TANC2: variants seen among roughly 807,000 people sequenced by gnomAD.
TANC2 encodes the protein protein TANC2.
In TANC2, 26 loss-of-function variants were observed where a neutral mutation model predicts 210.5. The ratio of observed to expected loss-of-function variants is 0.12; its 90% CI spans 0.09 to 0.17. The LOEUF (loss-of-function observed/expected upper bound fraction) is 0.17. TANC2 is among the 10% of genes least tolerant of loss of function. The probability of loss-of-function intolerance (pLI) is 1.00; values close to 1 mark genes in which losing one functional copy is unlikely to be tolerated. For missense variants in TANC2, 2,129 were observed against 2,608.9 expected, an observed-to-expected ratio of 0.82 and a Z score of 4.01; for synonymous variants, 931 against 967.1, an observed-to-expected ratio of 0.96 and a Z score of 0.69.
intron 3 of TANC2, among the ~76,000 whole-genome samples, chr17:63,078,079 G>C (rs138014239): frequency 6.6e-6 from 1 of 152,112 alleles, no homozygotes. Flanking sequence ...AAGCTACATC[G>C]TGTAGAATTG....
chr17:63,153,411 A>G (rs146698114), intron 5 of TANC2: 3 of 152,150 alleles, frequency 2.0e-5, no homozygotes, highest in African/African-American at 4.8e-5. Flanking sequence ...TTAGGAAAAT[A>G]CTTTGTCTCC....
In TANC2 at chr17:63,416,397, G is replaced by A. The variant is rs556585507; in HGVS notation, c.4167+723G>A. Among the ~76,000 whole-genome samples the A allele has an allele frequency of 3.3e-5, 5 of 152,326 alleles. No individual in the cohort carries two copies. In the East Asian group the frequency reaches 9.6e-4, roughly 29 times the overall value. ...TGTCAGGAGTCTCTGACATCTACCT[G>A]CCTGAGGTCTCACAGTTCCTCAGGA... On this transcript the variant is annotated intron_variant, in intron 26 of 27. Transcript: ENST00000689528.
At chr17:63,129,147 C>G (rs2038823903) in intron 4 of TANC2, among the ~76,000 whole-genome samples, 1 of 152,026 alleles carries the variant, frequency 6.6e-6, no homozygotes, top group African/African-American at 2.4e-5. Flanking sequence ...GATGCTACAC[C>G]ATGTGTCCGG....
chr17:63,377,745 T>G (rs181682601), intron 14 of TANC2, among the ~76,000 whole-genome samples: 3 of 152,316 alleles, frequency 2.0e-5, no homozygotes, highest in African/African-American at 7.2e-5. Context: ...AGTACCAACT[T>G]ACTGTATTAG....
chr17:63,256,367 T>C (rs889718781), intron 8 of TANC2, among the ~76,000 whole-genome samples: 4 of 152,238 alleles, frequency 2.6e-5, no homozygotes, highest in African/African-American at 9.6e-5. Context: ...CCACTGATCA[T>C]GAGGAGCATA....
intron 11 of TANC2, among the ~76,000 whole-genome samples, chr17:63,336,539 A>G (rs1171561386): frequency 2.0e-5 from 3 of 152,220 alleles, no homozygotes; most frequent in Non-Finnish European, 4.4e-5. Context: ...GAGATTTTAT[A>G]CACAAGGCTG....
intron 12 of TANC2, among the ~76,000 whole-genome samples, chr17:63,346,938 C>T (rs1188715544): frequency 6.6e-6 from 1 of 151,784 alleles, no homozygotes; most frequent in East Asian, 1.9e-4. Context: ...ACTCCTGGGC[C>T]CAAGCAGTTT....
At chr17:63,070,828 G>T (rs1375905005) in intron 2 of TANC2, among the ~76,000 whole-genome samples, 1 of 152,086 alleles carries the variant, frequency 6.6e-6, no homozygotes, top group Non-Finnish European at 1.5e-5. Flanking sequence ...ACTATAAGGG[G>T]TATCTTTTTA....
At chr17:63,111,821 G>A (rs1414883189) in intron 4 of TANC2, among the ~76,000 whole-genome samples, 1 of 152,116 alleles carries the variant, frequency 6.6e-6, no homozygotes, top group African/African-American at 2.4e-5. Flanking sequence ...CGCCTCCCAG[G>A]TTCAAGTGAT....
intron 7 of TANC2, among the ~76,000 whole-genome samples, chr17:63,223,391 A>G (rs1173824804): frequency 1.3e-5 from 2 of 152,174 alleles, no homozygotes; most frequent in Non-Finnish European, 2.9e-5. Flanking sequence ...GAGCAGGGCT[A>G]TCCCATAGGC....
chr17:63,285,809 C>G (rs2044203774), intron 9 of TANC2, among the ~76,000 whole-genome samples: 1 of 152,122 alleles, frequency 6.6e-6, no homozygotes, highest in African/African-American at 2.4e-5. Flanking sequence ...CCCCACCTTG[C>G]CTAACACATA....
chr17:63,106,029 G>C (rs1036265848), intron 4 of TANC2, among the ~76,000 whole-genome samples: 22 of 151,528 alleles, frequency 1.5e-4, no homozygotes, highest in African/African-American at 5.4e-4. Flanking sequence ...TAAACTATTA[G>C]ATCTGGACCT....
intron 3 of TANC2, among the ~76,000 whole-genome samples, chr17:63,076,700 A>G (rs1194721625): frequency 3.0e-4 from 45 of 152,176 alleles, no homozygotes; most frequent in Non-Finnish European, 1.0e-4. Context: ...CCCCAGAAAT[A>G]AGAGAAAATA....
intron 3 of TANC2, among the ~76,000 whole-genome samples, chr17:63,077,824 G>T (rs1435928680): frequency 2.0e-5 from 3 of 152,064 alleles, no homozygotes; most frequent in Non-Finnish European, 4.4e-5. Context: ...ATTTGATTTG[G>T]ACTATTATGA....
intron 27 of TANC2, 30 bp from the exon 28 acceptor site, chr17:63,419,969 C>T (rs2048973068): frequency 1.3e-6 from 2 of 1,508,506 alleles, no homozygotes; most frequent in Non-Finnish European, 1.8e-6. Context: ...AGAATAACTC[C>T]AGTTCCTGTG....
chr17:63,328,678 A>G (rs1054391445), intron 11 of TANC2, among the ~76,000 whole-genome samples: 13 of 151,422 alleles, frequency 8.6e-5, no homozygotes, highest in African/African-American at 3.2e-4. Flanking sequence ...ACAGGTGATC[A>G]ACAACTTCTC....
rs948663767 is a variant in TANC2 at position 63,207,211 on chromosome 17, C to CTTT, written c.769+6274_769+6276dup. On this transcript the variant is annotated intron_variant, in intron 7 of 27. Transcript: ENST00000689528. ...ATTTATGCAAATTTCTTTTTTTTTC[C>CTTT]TTTTTTTTTTTTTTTTTTTTTTGAG... Among the ~76,000 whole-genome samples, 196 of 113,792 alleles carry CTTT rather than the reference C, an allele frequency of 1.7e-3. 1 individual carries two copies. The highest frequency in any genetic ancestry group is 3.0e-3 in the African/African-American group (85 of 28,086). The allele number at this position is 113,792 out of a possible 152,430, so 74.7% of individuals were successfully genotyped here.
intron 7 of TANC2, among the ~76,000 whole-genome samples, chr17:63,213,360 A>G (rs1047676481): frequency 1.3e-5 from 2 of 152,240 alleles, no homozygotes; most frequent in Non-Finnish European, 2.9e-5. Flanking sequence ...TTACACTTAG[A>G]CAAGTCCTCT....
At chr17:63,391,331 A>G (rs2047966570) in intron 17 of TANC2, 1 of 152,178 alleles carries the variant, frequency 6.6e-6, no homozygotes, top group Admixed American at 6.5e-5. Flanking sequence ...TCTGGCTTCC[A>G]TGAATGAGAG....
Sources: allele counts gnomAD v4.1 joint callset (sites outside exome capture counted in the v4.1 genomes callset), GRCh38; gene constraint gnomAD v4.1.1; transcripts MANE v1.5; gene names NCBI Gene and HGNC (gene_info 2026-07-23, HGNC 2026-07-21).